SDCCAG8: variants seen among roughly 807,000 people sequenced by gnomAD.
SDCCAG8 encodes serologically defined colon cancer antigen 8.
SDCCAG8 carries 74 observed loss-of-function variants against 101.8 expected under a neutral mutation model. The observed-to-expected ratio is 0.73, with a 90% CI of 0.60 to 0.88. The LOEUF is 0.88. SDCCAG8 is among the 40% of genes least tolerant of loss of function. The pLI, the probability that SDCCAG8 is intolerant of heterozygous loss-of-function variation, is 0.00. For synonymous variants in SDCCAG8, 281 were observed against 292.9 expected (o/e 0.96, Z 0.41); for missense variants, 787 against 822.6 (o/e 0.96, Z 0.53).
At chr1:243,298,706 T>A (rs2071208778) in intron 6 of SDCCAG8, among the ~76,000 whole-genome samples, 1 of 152,234 alleles carries the variant, frequency 6.6e-6, no homozygotes, top group African/African-American at 2.4e-5. Context: ...CCTATGTGTT[T>A]ATACATCCAA....
chr1:243,435,759 C>T (rs2082086041), intron 16 of SDCCAG8, among the ~76,000 whole-genome samples: 1 of 138,416 alleles, frequency 7.2e-6, no homozygotes, highest in Non-Finnish European at 1.6e-5. Flanking sequence ...TGTGTGTGTC[C>T]TCTATTCGAT....
At chr1:243,460,762 G>A (rs1341870706) in intron 16 of SDCCAG8, among the ~76,000 whole-genome samples, 1 of 152,110 alleles carries the variant, frequency 6.6e-6, no homozygotes, top group Non-Finnish European at 1.5e-5. Flanking sequence ...CCTCTCCCCT[G>A]TGTAGCTTTT....
At chr1:243,494,150 C>T (rs1026821436) in intron 17 of SDCCAG8, among the ~76,000 whole-genome samples, 5 of 152,192 alleles carry the variant, frequency 3.3e-5, no homozygotes, top group African/African-American at 1.2e-4. Flanking sequence ...AAGCCTCCTC[C>T]TGAACCAAGA....
chr1:243,492,604 G>GTTTTTTT (rs74162289), intron 17 of SDCCAG8, among the ~76,000 whole-genome samples: 22 of 58,868 alleles, frequency 3.7e-4, no homozygotes, highest in African/African-American at 9.7e-4. Context: ...GCGCCCAGCT[G>GTTTTTTT]TTTTTTTTTT....
At chr1:243,439,622 TCACACACACACACACACA>T (rs60044857) in intron 16 of SDCCAG8, among the ~76,000 whole-genome samples, 10 of 120,146 alleles carry the variant, frequency 8.3e-5, no homozygotes, top group Non-Finnish European at 1.2e-4. Flanking sequence ...TGAGACTCCA[TCACACACACACACACACA>T]CACACACACA....
intron 1 of SDCCAG8, among the ~76,000 whole-genome samples, chr1:243,257,625 A>G (rs1289183668): frequency 6.6e-6 from 1 of 152,190 alleles, no homozygotes; most frequent in Admixed American, 6.5e-5. Flanking sequence ...TTATCTTCTC[A>G]TGACTCTAGA....
chr1:243,358,698 C>T (rs2076529039), intron 12 of SDCCAG8, among the ~76,000 whole-genome samples: 1 of 152,098 alleles, frequency 6.6e-6, no homozygotes, highest in African/African-American at 2.4e-5. Flanking sequence ...ACTGCCAATA[C>T]CCCAAATGTC....
chr1:243,353,031 A>C (rs893201995), intron 12 of SDCCAG8, among the ~76,000 whole-genome samples: 1 of 152,172 alleles, frequency 6.6e-6, no homozygotes, highest in Non-Finnish European at 1.5e-5. Context: ...CAATAACCAT[A>C]TATTATGTGC....
intron 16 of SDCCAG8, among the ~76,000 whole-genome samples, chr1:243,436,566 CTT>C (rs1451515550): frequency 6.6e-6 from 1 of 152,270 alleles, no homozygotes; most frequent in East Asian, 1.9e-4. Flanking sequence ...GAGGAACACT[CTT>C]TTTAAATTCC....
chr1:243,357,294 G>A (rs1322161958), intron 12 of SDCCAG8, among the ~76,000 whole-genome samples: 4 of 151,726 alleles, frequency 2.6e-5, no homozygotes, highest in African/African-American at 4.8e-5. Context: ...CAAGAGAATC[G>A]CTTGAACCTG....
chr1:243,408,208 C>G (rs1214631958), intron 13 of SDCCAG8, among the ~76,000 whole-genome samples: 1 of 152,180 alleles, frequency 6.6e-6, no homozygotes, highest in East Asian at 1.9e-4. Flanking sequence ...TTTATTCATT[C>G]ATGAAATGTT....
At chr1:243,317,783 A>G (rs1436087534) in intron 9 of SDCCAG8, among the ~76,000 whole-genome samples, 1 of 152,218 alleles carries the variant, frequency 6.6e-6, no homozygotes, top group African/African-American at 2.4e-5. Context: ...GTAATCCGTT[A>G]AAGTTGCATG....
At chr1:243,310,181 C>G (rs1019524318) in intron 8 of SDCCAG8, among the ~76,000 whole-genome samples, 1 of 151,854 alleles carries the variant, frequency 6.6e-6, no homozygotes, top group African/African-American at 2.4e-5. Flanking sequence ...GTTTTTATGA[C>G]CTATACTGCT....
chr1:243,296,916 G>C (rs1301913439), intron 6 of SDCCAG8, among the ~76,000 whole-genome samples: 1 of 152,062 alleles, frequency 6.6e-6, no homozygotes, highest in Non-Finnish European at 1.5e-5. Context: ...TGTATAACAT[G>C]TACATTGGTT....
At chr1:243,304,597 A>G in intron 6 of SDCCAG8, 116 bp from the exon 7 acceptor site, 2 of 650,746 alleles carry the variant, frequency 3.1e-6, no homozygotes, top group Non-Finnish European at 2.8e-6. Context: ...CTAAGAAGAC[A>G]TGTTTCCCCC....
rs376881895 is a variant in SDCCAG8, at chr1:243,479,873, C to T, written c.1986-9141C>T. On this transcript the variant is annotated intron_variant, in intron 16 of 17. Coordinates refer to ENST00000366541, the MANE Select transcript of SDCCAG8 (RefSeq NM_006642.5). ...TGAATTAGAATGTACCAGTGGTTCT[C>T]ATGCTTAAGAATTCATCAGAGTCAT... Among the ~76,000 whole-genome samples the T allele has an allele frequency of 9.9e-5, 15 of 152,140 alleles. No individual in the cohort carries two copies. In the East Asian group the frequency reaches 2.3e-3, roughly 24 times the overall value.
At chr1:243,267,929 C>T in intron 1 of SDCCAG8, 2 of 826,144 alleles carry the variant, frequency 2.4e-6, no homozygotes, top group South Asian at 2.6e-5. Context: ...GTAAGGTGGG[C>T]CCAGCTGTGT....
intron 15 of SDCCAG8, among the ~76,000 whole-genome samples, chr1:243,420,802 A>G (rs2080947049): frequency 6.6e-6 from 1 of 152,178 alleles, no homozygotes; most frequent in African/African-American, 2.4e-5. Context: ...GCTTCTTACT[A>G]TGACATTTTC....
chr1:243,273,913 A>T (rs2068299360), intron 3 of SDCCAG8, among the ~76,000 whole-genome samples: 1 of 152,266 alleles, frequency 6.6e-6, no homozygotes. Flanking sequence ...CATCTTTAAA[A>T]AAAATGATAT....
Sources: gnomAD v4.1 joint callset for allele counts (sites outside exome capture counted in the v4.1 genomes callset) on GRCh38, gnomAD v4.1.1 for gene constraint, MANE v1.5 for transcripts, NCBI Gene and HGNC (gene_info 2026-07-23, HGNC 2026-07-21) for gene names.